Variants in CCNH observed in about 807,000 individuals in gnomAD.
CCNH encodes the protein cyclin H, also known as cyclin-H.
CCNH carries 31 observed loss-of-function variants against 41.9 expected under a neutral mutation model. The observed-to-expected ratio is 0.74, with a 90% CI of 0.56 to 1.00. The LOEUF is 1.00. Among genes scored for constraint, CCNH ranks in the 50% least tolerant of loss-of-function variants. The probability of loss-of-function intolerance (pLI) is 0.00; values close to 1 mark genes in which losing one functional copy is unlikely to be tolerated. For missense variants in CCNH, 362 were observed against 388.4 expected (o/e 0.93, Z 0.57); for synonymous variants, 138 against 136.1 (o/e 1.01, Z -0.10).
intron 6 of CCNH, among the ~76,000 whole-genome samples, chr5:87,400,855 G>A (rs111530301): frequency 2.6e-5 from 4 of 152,232 alleles, no homozygotes; most frequent in African/African-American, 9.6e-5. Flanking sequence ...AGTGTGCCAC[G>A]GTCAAGAATG....
chr5:87,395,435 C>A (rs764710689), intron 7 of CCNH, among the ~76,000 whole-genome samples: 5 of 152,038 alleles, frequency 3.3e-5, no homozygotes, highest in Non-Finnish European at 5.9e-5. Flanking sequence ...TTAAAGCACA[C>A]TACAAAAGCT....
intron 9 of CCNH, chr5:87,366,255 T>C (rs970139707): frequency 7.7e-6 from 2 of 258,280 alleles, no homozygotes; most frequent in East Asian, 1.7e-4. Context: ...CAACTGCAAT[T>C]AGATGAATCT....
chr5:87,322,487 AG>A (rs1199435109), intron 9 of CCNH, among the ~76,000 whole-genome samples: 1 of 152,202 alleles, frequency 6.6e-6, no homozygotes, highest in Non-Finnish European at 1.5e-5. Flanking sequence ...TAAATCAGTC[AG>A]TCCCTGGTGC....
chr5:87,356,867 A>G (rs1286974876), intron 9 of CCNH, among the ~76,000 whole-genome samples: 5 of 152,176 alleles, frequency 3.3e-5, no homozygotes, highest in South Asian at 4.1e-4. Context: ...AGGTATGCCT[A>G]TATTTTCCTT....
In CCNH at chr5:87,351,751, G is replaced by T. The variant is rs188225078; in HGVS notation, c.*91-32854C>A. 8.2e-4 allele frequency among the ~76,000 whole-genome samples: 125 copies of T among 151,800 alleles called. 1 individual carries two copies. The highest frequency in any genetic ancestry group is 2.9e-3 in the African/African-American group (120 of 41,506). On this transcript the variant is annotated intron_variant and NMD_transcript_variant, in intron 9 of 9. Coordinates refer to the CCNH transcript ENST00000645953. ...GAGTAATTTTTAAAAAAACTCTTAAGTCTAGCTCATTGGTAAAAACCTATC... is the reference window on the plus strand; with the variant it reads ...GAGTAATTTTTAAAAAAACTCTTAATTCTAGCTCATTGGTAAAAACCTATC...
downstream of CCNH, chr5:87,391,180 A>C: frequency 4.0e-6 from 2 of 503,434 alleles, no homozygotes; most frequent in Non-Finnish European, 7.2e-6. Context: ...GTATCTTGAT[A>C]TCTCGAACTT....
At chr5:87,377,040 G>C in exon 1 of CCNH, 1 of 1,612,728 alleles carries the variant, frequency 6.2e-7, no homozygotes. Context: ...AAGCATGGAA[G>C]GTATGGTATG....
intron 2 of CCNH, among the ~76,000 whole-genome samples, chr5:87,410,226 CATGTT>C (rs1387156562): frequency 3.3e-5 from 5 of 152,086 alleles, no homozygotes; most frequent in Non-Finnish European, 2.9e-5. Context: ...CAATGATAAA[CATGTT>C]ATTTAAAAAT....
At chr5:87,374,677 G>A (rs563121761), downstream of CCNH, among the ~76,000 whole-genome samples, 3 of 151,102 alleles carry the variant, frequency 2.0e-5, no homozygotes, top group East Asian at 5.8e-4. Flanking sequence ...CGTGTCTTCT[G>A]TATACCAAAT....
chr5:87,410,135 T>G (rs1251522791), intron 2 of CCNH, among the ~76,000 whole-genome samples: 4 of 152,222 alleles, frequency 2.6e-5, no homozygotes, highest in Admixed American at 6.5e-5. Context: ...CTTATCTATT[T>G]TATGATAGAA....
At chr5:87,375,273 CT>C (rs1296713203), downstream of CCNH, among the ~76,000 whole-genome samples, 3 of 148,124 alleles carry the variant, frequency 2.0e-5, no homozygotes, top group Non-Finnish European at 4.5e-5. Context: ...TTTTTTTTTT[CT>C]TTTGAGATGG....
chr5:87,398,212 C>T (rs1038926107), intron 7 of CCNH, among the ~76,000 whole-genome samples: 2 of 152,138 alleles, frequency 1.3e-5, no homozygotes, highest in African/African-American at 4.8e-5. Context: ...AATAAAACAA[C>T]CTCATATTCT....
At position 87,411,245 on chromosome 5, in the gene CCNH, T is replaced by C. The variant is rs760444657; in HGVS notation, c.219A>G (p.Pro73=). The part of the protein sequence containing the change: ...RLLEFCSVFK[P]AMPRSVVGTA... The stretch of plus-strand genomic sequence containing the variant: ...TTACCACAACAGATCTTGGCATTGC[T>C]GGCTTAAACACCGAACAGAATTCCA... Residue 73 remains proline (P), a synonymous_variant, in exon 2 of 9, where the codon CCA becomes CCG. Coordinates refer to ENST00000256897, the MANE Select transcript of CCNH (RefSeq NM_001239.4). The C allele has an allele frequency of 6.2e-7, 1 of 1,611,978 alleles. No individual in the cohort carries two copies. The highest frequency in any genetic ancestry group is 1.1e-5 in the South Asian group (1 of 90,576).
downstream of CCNH, chr5:87,390,655 A>AATAGAGACTTAT (rs1762443818): frequency 4.1e-6 from 3 of 726,864 alleles, no homozygotes. Flanking sequence ...ATGACTGAAT[A>AATAGAGACTTAT]ATAGAGACTT....
At chr5:87,377,166 T>C (rs1345234953) in exon 1 of CCNH, 4 of 1,286,758 alleles carry the variant, frequency 3.1e-6, no homozygotes, top group Non-Finnish European at 4.4e-6. Context: ...TATTCTGTTT[T>C]CCCTCCTTAA....
intron 9 of CCNH, among the ~76,000 whole-genome samples, chr5:87,324,728 C>T (rs1047778111): frequency 1.1e-4 from 17 of 152,206 alleles, no homozygotes; most frequent in African/African-American, 3.1e-4. Flanking sequence ...AATATAAACA[C>T]GCCCTCTTCT....
At chr5:87,353,110 T>A (rs377448385) in intron 9 of CCNH, 1 of 1,437,050 alleles carries the variant, frequency 7.0e-7, no homozygotes, top group Non-Finnish European at 9.8e-7. Flanking sequence ...TTAAAGATTT[T>A]GCAGTTTTAT....
chr5:87,333,255 TA>T, intron 9 of CCNH: 2 of 1,610,870 alleles, frequency 1.2e-6, no homozygotes, highest in Admixed American at 3.4e-5. Context: ...TTTTTTTTTT[TA>T]TGGTTTCTAG....
intron 9 of CCNH, among the ~76,000 whole-genome samples, chr5:87,338,719 A>T (rs556807737): frequency 6.6e-6 from 1 of 150,600 alleles, no homozygotes; most frequent in South Asian, 2.1e-4. Context: ...TTTCTTCCTC[A>T]TAAGTGAAGT....
Sources: allele counts gnomAD v4.1 joint callset (sites outside exome capture counted in the v4.1 genomes callset), GRCh38; gene constraint gnomAD v4.1.1; transcripts MANE v1.5; gene names NCBI Gene and HGNC (gene_info 2026-07-23, HGNC 2026-07-21).